Variants in PHACTR3 observed in about 807,000 individuals in gnomAD.
PHACTR3 encodes protein phosphatase 1, regulatory subunit 123.
Under a neutral mutation model 66.8 loss-of-function variants are expected in PHACTR3, and 16 were observed. The observed-to-expected ratio is 0.24, with a 90% CI of 0.16 to 0.36. PHACTR3 has a LOEUF of 0.36. Among genes scored for constraint, PHACTR3 ranks in the 10% least tolerant of loss-of-function variants. The pLI, the probability that PHACTR3 is intolerant of heterozygous loss-of-function variation, is 1.00. For synonymous variants in PHACTR3, 323 were observed against 292.1 expected (o/e 1.11, Z -1.08); for missense variants, 647 against 719.9 (o/e 0.90, Z 1.16).
intron 1 of PHACTR3, chr20:59,628,068 A>G (rs996008640): frequency 6.6e-6 from 1 of 152,130 alleles, no homozygotes; most frequent in East Asian, 1.9e-4. Flanking sequence ...TCCCTGCTCA[A>G]ATGCCTTCAG....
At chr20:59,634,401 C>T (rs1353363503) in intron 1 of PHACTR3, among the ~76,000 whole-genome samples, 1 of 152,126 alleles carries the variant, frequency 6.6e-6, no homozygotes, top group African/African-American at 2.4e-5. Flanking sequence ...TGAGAAAATG[C>T]AGGTAAAACA....
At position 59,820,336 on chromosome 20, in the gene PHACTR3, T is replaced by C. The variant is rs916148214; in HGVS notation, c.1328+14142T>C. 1.3e-5 allele frequency among the ~76,000 whole-genome samples: 2 copies of C among 152,230 alleles called. No homozygotes were observed. The highest frequency in any genetic ancestry group is 2.9e-5 in the Non-Finnish European group (2 of 68,040). ...AACCTCAGCCCTAAAGGGAGGGGCC[T>C]GGTAGTCCTGCAAAGGCCGGGGCAG... On this transcript the variant is annotated intron_variant, in intron 8 of 12. Coordinates refer to ENST00000371015, the MANE Select transcript of PHACTR3 (RefSeq NM_080672.5). The surrounding 1 kb of genome is among the most constrained non-coding windows in gnomAD (Gnocchi z 4.6).
intron 2 of PHACTR3, among the ~76,000 whole-genome samples, chr20:59,744,344 C>G (rs768667590): frequency 6.6e-6 from 1 of 152,160 alleles, no homozygotes; most frequent in Non-Finnish European, 1.5e-5. Context: ...GAAGAGAGCC[C>G]GGAGGAGGCC....
At chr20:59,812,955 G>A (rs2041780933) in intron 8 of PHACTR3, among the ~76,000 whole-genome samples, 1 of 152,190 alleles carries the variant, frequency 6.6e-6, no homozygotes, top group Admixed American at 6.5e-5. Flanking sequence ...TGGGCTCCAG[G>A]GCCCTCGCTC....
At chr20:59,815,752 G>T (rs956794287) in intron 8 of PHACTR3, among the ~76,000 whole-genome samples, 30 of 152,268 alleles carry the variant, frequency 2.0e-4, no homozygotes, top group African/African-American at 6.3e-4. Flanking sequence ...TGAACCCCAA[G>T]GTTGCAAAAC....
chr20:59,819,989 C>A (rs1167072754), intron 8 of PHACTR3, among the ~76,000 whole-genome samples: 1 of 152,114 alleles, frequency 6.6e-6, no homozygotes, highest in Non-Finnish European at 1.5e-5. Context: ...TTTTTTGATG[C>A]TGCAGATTTA....
chr20:59,796,856 G>T (rs913847755), intron 7 of PHACTR3, among the ~76,000 whole-genome samples: 15 of 152,128 alleles, frequency 9.9e-5, no homozygotes, highest in Middle Eastern at 3.2e-3. Flanking sequence ...AGTTATTTGG[G>T]GATGTTTGAG....
At chr20:59,693,004 G>A (rs989644302) in intron 1 of PHACTR3, among the ~76,000 whole-genome samples, 1 of 152,124 alleles carries the variant, frequency 6.6e-6, no homozygotes, top group Non-Finnish European at 1.5e-5. Context: ...TATATGGTGC[G>A]TGGCTGTCTT....
intron 7 of PHACTR3, among the ~76,000 whole-genome samples, chr20:59,793,734 G>A (rs2041170344): frequency 6.6e-6 from 1 of 151,714 alleles, no homozygotes; most frequent in Non-Finnish European, 1.5e-5. Flanking sequence ...GAACAATTTA[G>A]CTTTTCCTTT....
intron 5 of PHACTR3, 145 bp downstream of exon 5, chr20:59,767,540 T>C (rs2040220529): frequency 9.0e-6 from 9 of 1,002,344 alleles, no homozygotes; most frequent in Admixed American, 2.2e-5. Context: ...CCAGTCTTGA[T>C]TGGGCACCAA....
intron 1 of PHACTR3, among the ~76,000 whole-genome samples, chr20:59,611,401 AC>A (rs1465570911): frequency 6.6e-6 from 1 of 152,152 alleles, no homozygotes; most frequent in Non-Finnish European, 1.5e-5. Flanking sequence ...CTGCAGGTGG[AC>A]CCCAGCCCTT....
intron 8 of PHACTR3, among the ~76,000 whole-genome samples, chr20:59,821,621 C>A (rs1318250869): frequency 6.6e-6 from 1 of 152,134 alleles, no homozygotes; most frequent in Admixed American, 6.5e-5. Flanking sequence ...AGGAAACTCG[C>A]GGCTTCTGCT....
At chr20:59,821,897 G>T (rs2042037425) in intron 8 of PHACTR3, among the ~76,000 whole-genome samples, 1 of 151,584 alleles carries the variant, frequency 6.6e-6, no homozygotes, top group Non-Finnish European at 1.5e-5. Flanking sequence ...GAGGAGGAGG[G>T]AAAGAGGAAC....
chr20:59,722,495 G>A (rs34411411), intron 1 of PHACTR3, among the ~76,000 whole-genome samples: 1 of 152,098 alleles, frequency 6.6e-6, no homozygotes, highest in Non-Finnish European at 1.5e-5. Flanking sequence ...GATGGAGAAG[G>A]CACCAAGTGA....
chr20:59,633,939 C>T (rs1358772324), intron 1 of PHACTR3, among the ~76,000 whole-genome samples: 4 of 152,144 alleles, frequency 2.6e-5, no homozygotes, highest in Non-Finnish European at 5.9e-5. Context: ...ACTTCATTAT[C>T]ATTTTGATTT....
chr20:59,608,199 C>CT (rs2033728594), intron 1 of PHACTR3, among the ~76,000 whole-genome samples: 1 of 152,124 alleles, frequency 6.6e-6, no homozygotes, highest in Non-Finnish European at 1.5e-5. Context: ...GCATGAGTGT[C>CT]TTTTTGTGGC....
chr20:59,808,640 C>T (rs1568842645), intron 8 of PHACTR3, among the ~76,000 whole-genome samples: 1 of 152,236 alleles, frequency 6.6e-6, no homozygotes, highest in African/African-American at 2.4e-5. Flanking sequence ...TGTTGGTTTG[C>T]TCTGCACCCT....
At chr20:59,658,520 C>T (rs1171214482) in intron 1 of PHACTR3, among the ~76,000 whole-genome samples, 1 of 152,042 alleles carries the variant, frequency 6.6e-6, no homozygotes. Flanking sequence ...TTATTTCTAC[C>T]CACAGTGTGG....
intron 1 of PHACTR3, among the ~76,000 whole-genome samples, chr20:59,652,731 A>G (rs1338944517): frequency 6.6e-6 from 1 of 152,078 alleles, no homozygotes; most frequent in Admixed American, 6.6e-5. Flanking sequence ...AGCATTTTTT[A>G]AGATCTGGAA....
Sources: gnomAD v4.1 joint callset for allele counts (sites outside exome capture counted in the v4.1 genomes callset) on GRCh38, gnomAD v4.1.1 for gene constraint, Gnocchi (gnomAD v3.1) non-coding constraint, MANE v1.5 for transcripts, NCBI Gene and HGNC (gene_info 2026-07-23, HGNC 2026-07-21) for gene names.